The following UTRN variants were observed in gnomAD, a reference collection of about 807,000 sequenced individuals.
UTRN encodes the protein dystrophin-related protein 1.
In UTRN, 283 loss-of-function variants were observed where a neutral mutation model predicts 463.9. The ratio of observed to expected loss-of-function variants is 0.61; its 90% CI spans 0.55 to 0.67. The LOEUF is 0.67. Ranked by LOEUF, UTRN falls within the 30% of genes least tolerant of loss-of-function variation. The pLI is 0.00. For missense variants in UTRN, 3,922 were observed against 4,084.3 expected (o/e 0.96, Z 1.08); for synonymous variants, 1,442 against 1,431.5 (o/e 1.01, Z -0.17).
chr6:144,679,644 G>A lies in UTRN; in HGVS notation c.7652+1066G>A, dbSNP rs886675964. Among the ~76,000 whole-genome samples, 3 of 152,256 alleles carry A rather than the reference G, an allele frequency of 2.0e-5. No homozygotes were observed. In the South Asian group the frequency reaches 6.2e-4, roughly 32 times the overall value. ...ATGGTTTGATAGTTCCCTAATCTAT[G>A]TAAATCCTGCCTAAGAAAGCATCTA... On this transcript the variant is annotated intron_variant, in intron 52 of 74. Transcript: ENST00000367545.
rs775578891 is a variant in UTRN at position 144,459,156 on chromosome 6, G to A, written c.2527-18G>A. Reference sequence around the variant, plus strand: ...TTCATCTTCAGTGAGTTGTGTGACCGTATTTTCTCTTCCTTAGCGGGAATT... The same window carrying A: ...TTCATCTTCAGTGAGTTGTGTGACCATATTTTCTCTTCCTTAGCGGGAATT... On this transcript the variant is annotated intron_variant, in intron 20 of 74. Coordinates refer to ENST00000367545, the MANE Select transcript of UTRN (RefSeq NM_007124.3). The A allele has an allele frequency of 6.9e-6, 11 of 1,603,792 alleles. No individual in the cohort carries two copies. The highest frequency in any genetic ancestry group is 1.7e-4 in the Middle Eastern group (1 of 5,992).
At chr6:144,427,044 G>A (rs762194991) in intron 7 of UTRN, among the ~76,000 whole-genome samples, 2 of 152,112 alleles carry the variant, frequency 1.3e-5, no homozygotes, top group South Asian at 4.1e-4. Flanking sequence ...TGAAATTGCC[G>A]ACATGTGAGT....
intron 2 of UTRN, among the ~76,000 whole-genome samples, chr6:144,379,400 C>G (rs1780723474): frequency 6.6e-6 from 1 of 152,132 alleles, no homozygotes; most frequent in Admixed American, 6.5e-5. Flanking sequence ...GCTAGAGGAT[C>G]TGATTCCAAG....
chr6:144,719,549 G>A (rs756664330), intron 53 of UTRN, among the ~76,000 whole-genome samples: 3 of 152,136 alleles, frequency 2.0e-5, no homozygotes, highest in Non-Finnish European at 4.4e-5. Context: ...TGCACTCAAC[G>A]CTGGGCAACA....
chr6:144,494,376 C>T (rs912245147), intron 33 of UTRN, among the ~76,000 whole-genome samples: 3 of 151,976 alleles, frequency 2.0e-5, no homozygotes, highest in African/African-American at 7.2e-5. Flanking sequence ...TCCCAGTGGG[C>T]TTGTGGTCTC....
chr6:144,738,175 C>T (rs564815289), intron 54 of UTRN, among the ~76,000 whole-genome samples: 7 of 152,324 alleles, frequency 4.6e-5, no homozygotes, highest in South Asian at 2.1e-4. Context: ...TGTTCACTGA[C>T]GGCCATCTGG....
At position 144,487,566 on chromosome 6, in the gene UTRN, C is replaced by T. The variant is rs770868827; in HGVS notation, c.3841C>T (p.Arg1281Cys). Reference sequence around the variant, plus strand: ...ATTCCAGTCTCTGGAATCTGTTCTGCGCCACCCGGCAGATAATCGCACCCA... The same window carrying T: ...ATTCCAGTCTCTGGAATCTGTTCTGTGCCACCCGGCAGATAATCGCACCCA... ...EALESLESVL[R>C]HPADNRTQIR... Residue 1281 changes from arginine (R) to cysteine (C), a missense_variant, in exon 29 of 75, where the codon CGC (arginine) becomes TGC (cysteine). By Grantham distance (180) the Arg-to-Cys change is radical (BLOSUM62 -3). This residue lies in a region of UTRN where 2,349 missense variants were observed against 2,303.8 expected (regional missense o/e 1.02). Coordinates refer to ENST00000367545, the MANE Select transcript of UTRN (RefSeq NM_007124.3). The T allele has an allele frequency of 5.1e-5, 82 of 1,610,796 alleles. No individual in the cohort carries two copies. Among genetic ancestry groups the T allele is most frequent in the Middle Eastern group, 1.6e-4 (1 of 6,078 alleles).
intron 2 of UTRN, among the ~76,000 whole-genome samples, chr6:144,355,205 C>A (rs541439096): frequency 1.3e-5 from 2 of 152,238 alleles, no homozygotes; most frequent in Admixed American, 6.5e-5. Context: ...GATTTTCGAA[C>A]ATTTTTCATT....
chr6:144,561,326 G>A (rs1009868114), intron 50 of UTRN, among the ~76,000 whole-genome samples: 9 of 146,212 alleles, frequency 6.2e-5, no homozygotes, highest in Admixed American at 5.5e-4. Flanking sequence ...ACATATATGT[G>A]TGTGTTTATA....
chr6:144,829,138 T>A (rs1780444214), intron 69 of UTRN, among the ~76,000 whole-genome samples: 1 of 152,166 alleles, frequency 6.6e-6, no homozygotes, highest in Non-Finnish European at 1.5e-5. Context: ...AACAGGTGTA[T>A]ATATTCATTC....
At chr6:144,441,715 G>A (rs969919310) in intron 13 of UTRN, among the ~76,000 whole-genome samples, 4 of 152,174 alleles carry the variant, frequency 2.6e-5, no homozygotes, top group African/African-American at 7.2e-5. Context: ...CTTCTGCACT[G>A]CCCTAGCAGA....
intron 13 of UTRN, among the ~76,000 whole-genome samples, chr6:144,442,448 G>A (rs985522970): frequency 7.2e-5 from 11 of 152,062 alleles, no homozygotes; most frequent in African/African-American, 2.2e-4. Context: ...TACTGGTACC[G>A]ATTTACTATA....
At chr6:144,585,778 A>G (rs2128629048) in intron 51 of UTRN, among the ~76,000 whole-genome samples, 1 of 152,236 alleles carries the variant, frequency 6.6e-6, no homozygotes, top group East Asian at 1.9e-4. Flanking sequence ...TTAAATTGTA[A>G]ATGCTGTCTT....
chr6:144,449,805 TAAG>T (rs1788072418), intron 17 of UTRN, among the ~76,000 whole-genome samples: 1 of 152,194 alleles, frequency 6.6e-6, no homozygotes, highest in Admixed American at 6.5e-5. Context: ...GGGTACTAGT[TAAG>T]AAGACAGTCT....
At chr6:144,419,725 T>C (rs977617265) in intron 3 of UTRN, among the ~76,000 whole-genome samples, 5 of 152,214 alleles carry the variant, frequency 3.3e-5, no homozygotes, top group Non-Finnish European at 7.3e-5. Flanking sequence ...GGTCAGCTCC[T>C]GTCTGAAGCC....
intron 51 of UTRN, among the ~76,000 whole-genome samples, chr6:144,669,974 T>TGTGTGA (rs1780834885): frequency 6.6e-6 from 1 of 152,014 alleles, no homozygotes; most frequent in African/African-American, 2.4e-5. Flanking sequence ...TGTGTGTGTG[T>TGTGTGA]GTGTGTGTGT....
intron 25 of UTRN, among the ~76,000 whole-genome samples, chr6:144,475,240 G>A (rs572154036): frequency 6.6e-6 from 1 of 152,162 alleles, no homozygotes; most frequent in Non-Finnish European, 1.5e-5. Flanking sequence ...AAATAGGATG[G>A]TCAGGGAAGG....
intron 55 of UTRN, among the ~76,000 whole-genome samples, chr6:144,750,073 T>A (rs1351596539): frequency 6.6e-6 from 1 of 152,156 alleles, no homozygotes; most frequent in African/African-American, 2.4e-5. Context: ...TAAAGAAACC[T>A]TGAAGGATTT....
intron 51 of UTRN, among the ~76,000 whole-genome samples, chr6:144,674,673 C>T (rs1229189680): frequency 6.6e-6 from 1 of 152,188 alleles, no homozygotes; most frequent in African/African-American, 2.4e-5. Flanking sequence ...CTTCCCACTT[C>T]AGTCTCCCAA....
Sources: allele counts gnomAD v4.1 joint callset (sites outside exome capture counted in the v4.1 genomes callset), GRCh38; gene constraint gnomAD v4.1.1; regional missense constraint gnomAD v4.1.1; transcripts MANE v1.5; gene names NCBI Gene and HGNC (gene_info 2026-07-23, HGNC 2026-07-21).